Variants in KMT2C observed in about 807,000 individuals in gnomAD.
KMT2C encodes the protein lysine methyltransferase 2C.
KMT2C carries 88 observed loss-of-function variants against 507.9 expected under a neutral mutation model. That is an observed-to-expected ratio of 0.17 (90% CI 0.15 to 0.21). The LOEUF is 0.21. KMT2C is among the 10% of genes least tolerant of loss of function. The probability of loss-of-function intolerance (pLI) is 1.00; values close to 1 mark genes in which losing one functional copy is unlikely to be tolerated. For missense variants in KMT2C, 4,954 were observed against 5,957.8 expected (o/e 0.83, Z 5.55); for synonymous variants, 2,049 against 2,080.8 (o/e 0.98, Z 0.42).
At chr7:152,430,644 A>G (rs1344413902) in intron 1 of KMT2C, among the ~76,000 whole-genome samples, 1 of 152,186 alleles carries the variant, frequency 6.6e-6, no homozygotes, top group Non-Finnish European at 1.5e-5. Context: ...ATCTTCTCTC[A>G]GCTCAGTCTC....
chr7:152,162,034 A>C, intron 43 of KMT2C, 83 bp downstream of exon 43: 3 of 1,396,628 alleles, frequency 2.1e-6, no homozygotes, highest in Non-Finnish European at 2.8e-6. Flanking sequence ...AATAATGTGG[A>C]AATACAGTTG....
chr7:152,204,252 G>GGCA (rs2094230586), intron 25 of KMT2C, among the ~76,000 whole-genome samples: 1 of 152,028 alleles, frequency 6.6e-6, no homozygotes, highest in Non-Finnish European at 1.5e-5. Context: ...GAGCTGAGAC[G>GGCA]GCACCACAGC....
Position 152,182,014 on chromosome 7 carries a change from A to G in KMT2C, c.5846T>C (p.Val1949Ala). ...NETTANRPSP[V>A]RDLCSSSTTN... is the part of the protein sequence containing the mutation. ...CGTGGAAGAAGAACATAAATCTCTGACAGGGGATGGCCTATTTGCTGTTGT... is the reference window on the plus strand; with the variant it reads ...CGTGGAAGAAGAACATAAATCTCTGGCAGGGGATGGCCTATTTGCTGTTGT... Residue 1949 changes from valine (V) to alanine (A), a missense_variant, in exon 36 of 59, where the codon GTC becomes GCC. This residue lies in a region of KMT2C where 1,689 missense variants were observed against 1,654.3 expected (regional missense o/e 1.02). Coordinates refer to ENST00000262189, the MANE Select transcript of KMT2C (RefSeq NM_170606.3). 1.2e-6 allele frequency: 2 copies of G among 1,614,148 alleles called. No homozygotes were observed. The highest frequency in any genetic ancestry group is 1.7e-6 in the Non-Finnish European group (2 of 1,180,018).
intron 2 of KMT2C, among the ~76,000 whole-genome samples, chr7:152,349,223 A>G (rs1589362014): frequency 6.6e-6 from 1 of 152,118 alleles, no homozygotes; most frequent in South Asian, 2.1e-4. Flanking sequence ...AGGCGGGTGG[A>G]TCACCTGAGA....
At chr7:152,294,281 ATTG>A (rs1275507266) in intron 6 of KMT2C, among the ~76,000 whole-genome samples, 1 of 152,176 alleles carries the variant, frequency 6.6e-6, no homozygotes, top group African/African-American at 2.4e-5. Context: ...GAAATAATCC[ATTG>A]TTAATTTTTT....
chr7:152,207,906 G>A (rs1161946753), intron 23 of KMT2C, among the ~76,000 whole-genome samples: 1 of 152,158 alleles, frequency 6.6e-6, no homozygotes, highest in African/African-American at 2.4e-5. Context: ...GGAGAAGACA[G>A]AGGCCTGGAA....
intron 7 of KMT2C, among the ~76,000 whole-genome samples, chr7:152,270,526 C>G (rs553286019): frequency 6.6e-6 from 1 of 152,278 alleles, no homozygotes; most frequent in South Asian, 2.1e-4. Context: ...TTGATGATGT[C>G]TCTACTACCC....
In KMT2C at chr7:152,144,764, C is replaced by T. The variant is rs1238849180; in HGVS notation, c.14292G>A (p.Lys4764=). The T allele has an allele frequency of 1.9e-6, 3 of 1,614,132 alleles. No individual in the cohort carries two copies. Among genetic ancestry groups the T allele is most frequent in the African/African-American group, 1.3e-5 (1 of 75,022 alleles). ...FVHSKSSQYR[K]MKTEWKSNVY... ...CATTGGATTTCCATTCAGTTTTCAT[C>T]TTCCGGTACTGCGATGACTTGGAGT... The change falls in exon 55 of 59, where the codon AAG becomes AAA. Residue 4764 remains lysine, a synonymous_variant. Coordinates refer to ENST00000262189, the MANE Select transcript of KMT2C (RefSeq NM_170606.3). This position sits in a 1 kb window ranked among gnomAD's most constrained non-coding sequence, Gnocchi z 4.4.
At chr7:152,340,564 C>T (rs1462180682) in intron 2 of KMT2C, among the ~76,000 whole-genome samples, 2 of 152,212 alleles carry the variant, frequency 1.3e-5, no homozygotes, top group East Asian at 3.9e-4. Context: ...TTTATTAACA[C>T]TATCTTTATT....
rs1359323860 is a variant in KMT2C, at chr7:152,181,422, G to A, written c.6438C>T (p.Ser2146=). Reference sequence around the variant, plus strand: ...TGGACCTAGCTGTTCCTGAAGATTGGGAATAAGAATCTACAACAGGTCGTG... The same window carrying A: ...TGGACCTAGCTGTTCCTGAAGATTGAGAATAAGAATCTACAACAGGTCGTG... The part of the protein sequence containing the change: ...GTPRPVVDSY[S]QSSGTARSNT... Residue 2146 remains serine (S), a synonymous_variant, in exon 36 of 59, where the codon TCC becomes TCT. Transcript: ENST00000262189. 1 of 1,613,864 alleles carries A rather than the reference G, an allele frequency of 6.2e-7. No individual in the cohort carries two copies. Among genetic ancestry groups the A allele is most frequent in the African/African-American group, 1.3e-5 (1 of 74,852 alleles).
At chr7:152,276,966 G>A (rs2096093181) in intron 6 of KMT2C, among the ~76,000 whole-genome samples, 1 of 151,970 alleles carries the variant, frequency 6.6e-6, no homozygotes, top group Non-Finnish European at 1.5e-5. Context: ...AAAACTCAGT[G>A]AGAACTCGTA....
At position 152,146,628 on chromosome 7, in the gene KMT2C, C is replaced by A; in HGVS notation, c.14002G>T (p.Val4668Phe). 1 of 1,614,140 alleles carries A rather than the reference C, an allele frequency of 6.2e-7. No homozygotes were observed. The highest frequency in any genetic ancestry group is 8.5e-7 in the Non-Finnish European group (1 of 1,179,990). ...LKGEDLFGLT[V>F]SAVARIAESL... ...TCCGCTATGCGTGCCACTGCAGAGA[C>A]GGTCAGGCCAAACAGATCCTCTCCT... Residue 4668 changes from valine (V) to phenylalanine (F), a missense_variant, in exon 53 of 59, where the codon GTC becomes TTC. Transcript: ENST00000262189.
intron 2 of KMT2C, among the ~76,000 whole-genome samples, chr7:152,343,450 G>GAAA (rs200886066): frequency 0.011 from 761 of 72,418 alleles, 10 homozygotes; most frequent in African/African-American, 0.034. Context: ...AAAAGACTGG[G>GAAA]AAAAAAAAAA....
At chr7:152,301,197 TAAA>T (rs71533557) in intron 6 of KMT2C, among the ~76,000 whole-genome samples, 53 of 132,516 alleles carry the variant, frequency 4.0e-4, no homozygotes, top group Admixed American at 1.2e-3. Context: ...CCCTGTCTCC[TAAA>T]AAAAAAAAAA....
At position 152,185,640 on chromosome 7, in the gene KMT2C, A is replaced by C; in HGVS notation, c.5009-9T>G. ...CACTCTAGTAGTCCAATCTGCAACA[A>C]AAGAACAGAGTATAACACTTTCTCA... On this transcript the variant is annotated splice_polypyrimidine_tract_variant and intron_variant, in intron 33 of 58. Transcript: ENST00000262189. 6.2e-7 allele frequency: 1 copy of C among 1,603,214 alleles called. No individual in the cohort carries two copies. The highest frequency in any genetic ancestry group is 8.5e-7 in the Non-Finnish European group (1 of 1,171,046).
At chr7:152,309,814 C>A in intron 6 of KMT2C, 152 bp downstream of exon 6, 2 of 554,008 alleles carry the variant, frequency 3.6e-6, no homozygotes, top group Middle Eastern at 4.9e-4. Context: ...AGCCACCATA[C>A]CTGGCCTAGA....
At chr7:152,376,806 A>G (rs1221424373) in intron 1 of KMT2C, among the ~76,000 whole-genome samples, 1 of 152,284 alleles carries the variant, frequency 6.6e-6, no homozygotes, top group Non-Finnish European at 1.5e-5. Context: ...TGGCTATACT[A>G]AACAAGGTGT....
At chr7:152,424,632 C>T (rs371003076) in intron 1 of KMT2C, among the ~76,000 whole-genome samples, 2 of 152,082 alleles carry the variant, frequency 1.3e-5, no homozygotes, top group Admixed American at 6.6e-5. Context: ...CTATATTGCC[C>T]GGGCTGGTCT....
At chr7:152,429,628 C>A (rs2116781635) in intron 1 of KMT2C, among the ~76,000 whole-genome samples, 1 of 151,888 alleles carries the variant, frequency 6.6e-6, no homozygotes, top group South Asian at 2.1e-4. Flanking sequence ...TCAAGCGATT[C>A]TCCTGCCTCA....
Sources: gnomAD v4.1 joint callset for allele counts (sites outside exome capture counted in the v4.1 genomes callset) on GRCh38, gnomAD v4.1.1 for gene constraint, gnomAD v4.1.1 regional missense constraint, Gnocchi (gnomAD v3.1) non-coding constraint, MANE v1.5 for transcripts, NCBI Gene and HGNC (gene_info 2026-07-23, HGNC 2026-07-21) for gene names.